TEX11: variants seen among roughly 807,000 people sequenced by gnomAD.
TEX11 encodes the protein testis expressed 11, also known as testis-expressed protein 11.
In TEX11, 7 loss-of-function variants were observed where a neutral mutation model predicts 84.4. The ratio of observed to expected loss-of-function variants is 0.08; its 90% CI spans 0.05 to 0.16. The LOEUF (loss-of-function observed/expected upper bound fraction) is 0.16, where lower values mean the gene tolerates loss of function less well. Ranked by LOEUF, TEX11 falls within the 10% of genes least tolerant of loss-of-function variation. TEX11 has a pLI of 1.00. For synonymous variants in TEX11, 264 were observed against 222.8 expected, an observed-to-expected ratio of 1.18 and a Z score of -1.64; for missense variants, 551 against 660.5, an observed-to-expected ratio of 0.83 and a Z score of 1.82.
At chrX:70,766,421 A>G (rs1422956511) in intron 9 of TEX11, among the ~76,000 whole-genome samples, 1 of 108,684 alleles carries the variant, frequency 9.2e-6, no homozygotes, top group Non-Finnish European at 1.9e-5. Context: ...CAAAAAAAGA[A>G]AAAAAAAAGA....
chrX:70,609,530 A>G (rs941210072), intron 21 of TEX11, among the ~76,000 whole-genome samples: 2 of 112,533 alleles, frequency 1.8e-5, no homozygotes, highest in African/African-American at 6.5e-5. Flanking sequence ...TTAGAAGGGT[A>G]TCAATATGCT....
chrX:70,804,366 A>T (rs1245371364), intron 9 of TEX11, among the ~76,000 whole-genome samples: 1 of 112,162 alleles, frequency 8.9e-6, no homozygotes, highest in East Asian at 2.8e-4. Flanking sequence ...AAAACTATTC[A>T]CTGTGCTACA....
chrX:70,676,555 T>G (rs1014413900), intron 15 of TEX11, among the ~76,000 whole-genome samples: 2 of 112,417 alleles, frequency 1.8e-5, no homozygotes, highest in African/African-American at 6.5e-5. Flanking sequence ...TTTGAGAATT[T>G]TGATTACGTG....
chrX:70,890,728 G>A (rs780652923), intron 2 of TEX11, among the ~76,000 whole-genome samples: 1 of 112,535 alleles, frequency 8.9e-6, no homozygotes, highest in African/African-American at 3.2e-5. Context: ...AGAGCCCACC[G>A]CAGCTCAGCA....
intron 7 of TEX11, among the ~76,000 whole-genome samples, chrX:70,842,294 G>A (rs1360223982): frequency 2.4e-4 from 27 of 110,984 alleles, no homozygotes; most frequent in Middle Eastern, 4.6e-3. Context: ...TGATTAAGTG[G>A]GCTTCATCCC....
intron 2 of TEX11, among the ~76,000 whole-genome samples, chrX:70,904,932 A>G (rs943569791): frequency 8.9e-6 from 1 of 112,578 alleles, no homozygotes; most frequent in African/African-American, 3.2e-5. Flanking sequence ...TGACTACTAG[A>G]AAATATAAAA....
Position 70,621,577 on chromosome X carries a change from T to A in TEX11, c.1751+2373A>T, listed in dbSNP as rs868168443. ...ATATATATATATATATATATATATA[T>A]AAATAAAAATAAAATATTAAACTTA... On this transcript the variant is annotated intron_variant, in intron 20 of 29. Transcript: ENST00000374333. Among the ~76,000 whole-genome samples, 439 of 56,456 alleles carry A rather than the reference T, an allele frequency of 7.8e-3. 21 individuals carry two copies. Among genetic ancestry groups the A allele is most frequent in the African/African-American group, 0.03 (399 of 13,125 alleles). The allele number at this position is 56,456 out of a possible 115,157, so 49.0% of individuals were successfully genotyped here. A position where few individuals can be genotyped will look rare whatever the true frequency, so the allele number is the denominator to read the frequency against.
At chrX:70,903,223 A>T (rs1366146467) in intron 2 of TEX11, among the ~76,000 whole-genome samples, 1 of 108,234 alleles carries the variant, frequency 9.2e-6, no homozygotes, top group Non-Finnish European at 1.9e-5. Flanking sequence ...TGATAAAAAA[A>T]TAGTATAAGA....
At chrX:70,848,605 G>T (rs1275069753) in intron 7 of TEX11, among the ~76,000 whole-genome samples, 1 of 111,342 alleles carries the variant, frequency 9.0e-6, no homozygotes. Context: ...GGAATAATAG[G>T]GGGAGAGCAG....
At chrX:70,529,796 C>G in intron 29 of TEX11, 39 bp downstream of exon 29, 1 of 1,168,779 alleles carries the variant, frequency 8.6e-7, no homozygotes. Flanking sequence ...CTCTTGCCCC[C>G]TAGGTCATGT....
intron 2 of TEX11, among the ~76,000 whole-genome samples, chrX:70,898,460 G>T (rs2091784941): frequency 9.0e-6 from 1 of 111,702 alleles, no homozygotes; most frequent in Non-Finnish European, 1.9e-5. Flanking sequence ...AAAGCACAAT[G>T]AATTCAAACA....
chrX:70,554,924 G>A, intron 25 of TEX11, 124 bp from the exon 26 acceptor site: 2 of 663,583 alleles, frequency 3.0e-6, no homozygotes, highest in East Asian at 3.8e-5. Context: ...CAATTTGAAG[G>A]TCATCTTCAC....
chrX:70,787,855 A>G (rs911906430), intron 9 of TEX11, among the ~76,000 whole-genome samples: 1 of 111,751 alleles, frequency 8.9e-6, no homozygotes, highest in Non-Finnish European at 1.9e-5. Flanking sequence ...ACATGCAAAA[A>G]TCAATAGTGT....
intron 2 of TEX11, among the ~76,000 whole-genome samples, chrX:70,898,577 G>A (rs1264899974): frequency 9.3e-6 from 1 of 107,391 alleles, no homozygotes; most frequent in Non-Finnish European, 1.9e-5. Context: ...AATTCTGTGG[G>A]TCACTCAATG....
At chrX:70,520,528 A>T in the TEX11 span, among the ~76,000 whole-genome samples, 1 of 111,417 alleles carries the variant, frequency 9.0e-6, no homozygotes, top group Non-Finnish European at 1.9e-5. Context: ...TCAGAGGGGC[A>T]CTCTGCTGTA....
intron 13 of TEX11, among the ~76,000 whole-genome samples, chrX:70,687,976 A>C (rs748183039): frequency 9.0e-6 from 1 of 111,709 alleles, no homozygotes; most frequent in Non-Finnish European, 1.9e-5. Context: ...TGAAAAAAAA[A>C]CTGCATGGAG....
At chrX:70,764,161 AACC>A (rs1476952620) in intron 9 of TEX11, among the ~76,000 whole-genome samples, 2 of 112,174 alleles carry the variant, frequency 1.8e-5, no homozygotes, top group African/African-American at 6.5e-5. Context: ...TAAAATTAGA[AACC>A]AACAACAACA....
chrX:70,727,314 G>C (rs2090606977), intron 11 of TEX11, among the ~76,000 whole-genome samples: 1 of 111,708 alleles, frequency 9.0e-6, no homozygotes, highest in Admixed American at 9.5e-5. Flanking sequence ...CTCATTTCTA[G>C]TGTGAAGTGT....
intron 2 of TEX11, among the ~76,000 whole-genome samples, chrX:70,885,905 GAAAA>G (rs2091706478): frequency 1.1e-5 from 1 of 94,353 alleles, no homozygotes; most frequent in South Asian, 4.9e-4. Context: ...AAAAAAAAAA[GAAAA>G]AGAAAGAAAG....
Sources: gnomAD v4.1 joint callset for allele counts (sites outside exome capture counted in the v4.1 genomes callset) on GRCh38, gnomAD v4.1.1 for gene constraint, MANE v1.5 for transcripts, NCBI Gene and HGNC (gene_info 2026-07-23, HGNC 2026-07-21) for gene names.